Variants in TRMT11 observed in about 807,000 individuals in gnomAD.
TRMT11 encodes tRNA methyltransferase 11.
A neutral mutation model predicts 62.8 loss-of-function variants in TRMT11; 53 were observed. The ratio of observed to expected loss-of-function variants is 0.84; its 90% CI spans 0.68 to 1.06. The LOEUF (loss-of-function observed/expected upper bound fraction) is 1.06, where lower values mean the gene tolerates loss of function less well. Among genes scored for constraint, TRMT11 ranks in the 50% least tolerant of loss-of-function variants. TRMT11 has a pLI of 0.00. For synonymous variants in TRMT11, 188 were observed against 190.3 expected (o/e 0.99, Z 0.10); for missense variants, 556 against 553.4 (o/e 1.00, Z -0.05).
At chr6:126,256,422 G>C in the TRMT11 span, among the ~76,000 whole-genome samples, 31 of 152,240 alleles carry the variant, frequency 2.0e-4, no homozygotes, top group Non-Finnish European at 4.1e-4. Context: ...AGAATCCTCA[G>C]TTTCTTCTTA....
chr6:126,159,200 C>T (rs910122235), intron 21 of TRMT11, among the ~76,000 whole-genome samples: 3 of 152,022 alleles, frequency 2.0e-5, no homozygotes, highest in Non-Finnish European at 2.9e-5. Flanking sequence ...GTGATATGTG[C>T]CACTTTGTGG....
At chr6:126,132,205 G>A (rs1777793478) in intron 21 of TRMT11, among the ~76,000 whole-genome samples, 1 of 152,018 alleles carries the variant, frequency 6.6e-6, no homozygotes, top group African/African-American at 2.4e-5. Context: ...GAGTTTAAAA[G>A]ACAGCATTAT....
At chr6:126,011,547 T>C in intron 9 of TRMT11, 130 bp downstream of exon 9, 1 of 705,986 alleles carries the variant, frequency 1.4e-6, no homozygotes, top group Non-Finnish European at 2.3e-6. Flanking sequence ...TACCCCCAGC[T>C]TCTTCATCTT....
At chr6:126,044,074 C>T (rs1775971139), downstream of TRMT11, among the ~76,000 whole-genome samples, 1 of 151,512 alleles carries the variant, frequency 6.6e-6, no homozygotes, top group Non-Finnish European at 1.5e-5. Flanking sequence ...TCCCATTTGT[C>T]AATTTTGTCT....
chr6:126,192,615 C>G (rs992615809), intron 1 of TRMT11, among the ~76,000 whole-genome samples: 1 of 151,962 alleles, frequency 6.6e-6, no homozygotes, highest in Non-Finnish European at 1.5e-5. Context: ...AGGTATGCTC[C>G]TTTTATATCC....
chr6:126,035,337 T>C (rs1172792172), intron 12 of TRMT11, among the ~76,000 whole-genome samples: 1 of 152,108 alleles, frequency 6.6e-6, no homozygotes, highest in African/African-American at 2.4e-5. Flanking sequence ...TGCTAGATAA[T>C]AGACTGGCGC....
chr6:126,257,026 C>T, the TRMT11 span, among the ~76,000 whole-genome samples: 6 of 152,012 alleles, frequency 3.9e-5, no homozygotes, highest in East Asian at 1.2e-3. Flanking sequence ...GCTGGGACTA[C>T]AGGTGTGTGC....
intron 1 of TRMT11, among the ~76,000 whole-genome samples, chr6:125,993,357 A>G (rs1260426456): frequency 6.6e-6 from 1 of 152,202 alleles, no homozygotes; most frequent in Non-Finnish European, 1.5e-5. Context: ...GTGCTTAATG[A>G]ATACATAGTG....
intron 3 of TRMT11, among the ~76,000 whole-genome samples, chr6:126,200,402 G>A (rs937188565): frequency 3.3e-5 from 5 of 152,098 alleles, no homozygotes; most frequent in East Asian, 1.9e-4. Context: ...AAATGCCACC[G>A]TTATTTTAAA....
At chr6:125,990,072 CTTA>C (rs1296959854) in intron 1 of TRMT11, among the ~76,000 whole-genome samples, 1 of 152,074 alleles carries the variant, frequency 6.6e-6, no homozygotes, top group Non-Finnish European at 1.5e-5. Flanking sequence ...TGCCAAAATT[CTTA>C]TTTTTTTCTT....
intron 21 of TRMT11, among the ~76,000 whole-genome samples, chr6:126,145,588 C>T (rs1705978831): frequency 6.6e-6 from 1 of 152,206 alleles, no homozygotes; most frequent in South Asian, 2.1e-4. Flanking sequence ...GAAGGCACTC[C>T]CCAGTAATGT....
At chr6:126,236,197 A>C in the TRMT11 span, among the ~76,000 whole-genome samples, 6 of 152,228 alleles carry the variant, frequency 3.9e-5, no homozygotes, top group African/African-American at 1.4e-4. Context: ...GAATGGAAAG[A>C]CAAGATTAAA....
intron 17 of TRMT11, among the ~76,000 whole-genome samples, chr6:126,097,287 G>T (rs546551949): frequency 1.3e-5 from 2 of 152,222 alleles, no homozygotes; most frequent in East Asian, 1.9e-4. Context: ...TATCAGCATT[G>T]TTGGAGACCT....
intron 17 of TRMT11, among the ~76,000 whole-genome samples, chr6:126,108,445 C>G (rs1471526199): frequency 6.6e-6 from 1 of 152,142 alleles, no homozygotes; most frequent in Non-Finnish European, 1.5e-5. Context: ...ACCTATGTGG[C>G]ACATAAAATA....
At chr6:126,056,125 T>C (rs1243303456) in intron 17 of TRMT11, among the ~76,000 whole-genome samples, 6 of 152,240 alleles carry the variant, frequency 3.9e-5, no homozygotes, top group Admixed American at 2.0e-4. Flanking sequence ...AATTCATCTT[T>C]GTCTTATTTC....
intron 21 of TRMT11, among the ~76,000 whole-genome samples, chr6:126,117,576 G>GT (rs1023382108): frequency 3.3e-5 from 5 of 151,844 alleles, no homozygotes; most frequent in Admixed American, 6.6e-5. Flanking sequence ...GATTATATTA[G>GT]TTTTTTTGCA....
At chr6:126,135,098 A>G (rs1414387940) in intron 21 of TRMT11, among the ~76,000 whole-genome samples, 1 of 151,726 alleles carries the variant, frequency 6.6e-6, no homozygotes, top group Non-Finnish European at 1.5e-5. Flanking sequence ...AAAAGCAAGA[A>G]CAAATCAAAC....
chr6:126,262,006 G>A, the TRMT11 span, among the ~76,000 whole-genome samples: 2 of 152,202 alleles, frequency 1.3e-5, no homozygotes, highest in Non-Finnish European at 2.9e-5. Flanking sequence ...TGAGTACAGC[G>A]AGGTGGGAAG....
At chr6:126,051,438 C>A (rs1562306944) in intron 16 of TRMT11, among the ~76,000 whole-genome samples, 1 of 152,098 alleles carries the variant, frequency 6.6e-6, no homozygotes, top group African/African-American at 2.4e-5. Context: ...TGCTTGATTA[C>A]CTTGGGCATA....
Sources: allele counts gnomAD v4.1 joint callset (sites outside exome capture counted in the v4.1 genomes callset), GRCh38; gene constraint gnomAD v4.1.1; transcripts MANE v1.5; gene names NCBI Gene and HGNC (gene_info 2026-07-23, HGNC 2026-07-21).